RIMS1: variants seen among roughly 807,000 people sequenced by gnomAD.
RIMS1 encodes regulating synaptic membrane exocytosis protein 1.
In RIMS1, 83 loss-of-function variants were observed where a neutral mutation model predicts 214.1. The ratio of observed to expected loss-of-function variants is 0.39; its 90% CI spans 0.32 to 0.47. The LOEUF (loss-of-function observed/expected upper bound fraction) is 0.47, where lower values mean the gene tolerates loss of function less well. RIMS1 is among the 20% of genes least tolerant of loss of function. The probability of loss-of-function intolerance (pLI) is 0.99; values close to 1 mark genes in which losing one functional copy is unlikely to be tolerated. For synonymous variants in RIMS1, 793 were observed against 786.8 expected, an observed-to-expected ratio of 1.01 and a Z score of -0.13; for missense variants, 2,050 against 2,161.8, an observed-to-expected ratio of 0.95 and a Z score of 1.03.
chr6:71,945,336 C>T lies in RIMS1; in HGVS notation c.165-23647C>T, dbSNP rs1787462004. On this transcript the variant is annotated intron_variant, in intron 1 of 33. Transcript: ENST00000521978. ...GGACACAGCACTGGAGGGACATACACATGGATATGATCTAAAAGGCAGGGT... is the reference window on the plus strand; with the variant it reads ...GGACACAGCACTGGAGGGACATACATATGGATATGATCTAAAAGGCAGGGT... Among the ~76,000 whole-genome samples, 4 of 152,264 alleles carry T rather than the reference C, an allele frequency of 2.6e-5. No individual in the cohort carries two copies. In the Middle Eastern group the frequency reaches 0.01, roughly 388 times the overall value.
intron 6 of RIMS1, chr6:72,217,275 T>G (rs1275766221): frequency 6.7e-7 from 1 of 1,490,634 alleles, no homozygotes. Context: ...TATGGATAAA[T>G]GTAAAGTTAA....
chr6:72,133,961 C>G (rs1370015169), intron 4 of RIMS1, among the ~76,000 whole-genome samples: 1 of 152,048 alleles, frequency 6.6e-6, no homozygotes, highest in East Asian at 1.9e-4. Context: ...CTCTCAATGC[C>G]TCAGTTTTTT....
intron 2 of RIMS1, among the ~76,000 whole-genome samples, chr6:72,071,743 A>G (rs1830627184): frequency 6.6e-6 from 1 of 152,196 alleles, no homozygotes; most frequent in South Asian, 2.1e-4. Context: ...CTACACCTAA[A>G]TAATTGATTC....
intron 6 of RIMS1, among the ~76,000 whole-genome samples, chr6:72,193,947 T>C (rs2050462372): frequency 6.6e-6 from 1 of 152,066 alleles, no homozygotes; most frequent in African/African-American, 2.4e-5. Context: ...TTTTTTAGAG[T>C]AATTCAAGTT....
At position 72,090,699 on chromosome 6, in the gene RIMS1, C is replaced by A. The variant is rs373965511; in HGVS notation, c.246-6250C>A. On this transcript the variant is annotated intron_variant, in intron 2 of 33. Transcript: ENST00000521978. ...CACTGGTACATGCTGTCATGAACTGCTAATTTATATTTATGTATAACTTAC... is the reference window on the plus strand; with the variant it reads ...CACTGGTACATGCTGTCATGAACTGATAATTTATATTTATGTATAACTTAC... Among the ~76,000 whole-genome samples the A allele has an allele frequency of 3.9e-5, 6 of 152,202 alleles. No homozygotes were observed. In the East Asian group the frequency reaches 5.8e-4, roughly 15 times the overall value.
At chr6:72,002,633 A>G (rs1805678937) in intron 2 of RIMS1, among the ~76,000 whole-genome samples, 1 of 152,124 alleles carries the variant, frequency 6.6e-6, no homozygotes, top group Non-Finnish European at 1.5e-5. Flanking sequence ...CAAAGGCAAA[A>G]AGCTTGTGCA....
intron 2 of RIMS1, among the ~76,000 whole-genome samples, chr6:71,984,713 T>C (rs1277355278): frequency 6.6e-6 from 1 of 152,200 alleles, no homozygotes; most frequent in South Asian, 2.1e-4. Flanking sequence ...TAAGTTGAGA[T>C]TGTAAACCTT....
chr6:72,257,348 T>A (rs1307589409), intron 16 of RIMS1, among the ~76,000 whole-genome samples: 2 of 152,048 alleles, frequency 1.3e-5, no homozygotes, highest in East Asian at 3.9e-4. Flanking sequence ...AATATAAACC[T>A]TTTTACTTCA....
chr6:72,319,191 C>G (rs1315729645), intron 28 of RIMS1, among the ~76,000 whole-genome samples: 11 of 151,976 alleles, frequency 7.2e-5, no homozygotes, highest in Admixed American at 7.2e-4. Context: ...GGATGTTAAA[C>G]TGGAAGTAAT....
At chr6:72,053,807 T>G (rs1825374378) in intron 2 of RIMS1, among the ~76,000 whole-genome samples, 1 of 152,166 alleles carries the variant, frequency 6.6e-6, no homozygotes, top group Non-Finnish European at 1.5e-5. Flanking sequence ...ATGACATGAA[T>G]AAGTTTACAA....
chr6:72,128,566 C>T (rs74557249), intron 4 of RIMS1, among the ~76,000 whole-genome samples: 4,401 of 152,276 alleles, frequency 0.029, 114 homozygotes, highest in Non-Finnish European at 0.04. Flanking sequence ...AGGCTGCCAG[C>T]CTCCAGTTTC....
At chr6:71,951,607 C>T (rs1021557098) in intron 1 of RIMS1, among the ~76,000 whole-genome samples, 3 of 150,906 alleles carry the variant, frequency 2.0e-5, no homozygotes, top group Admixed American at 1.3e-4. Context: ...CCTCCTGCCT[C>T]AGCCTCCTAA....
At chr6:72,099,928 T>C in intron 3 of RIMS1, 47 bp from the exon 4 acceptor site, 5 of 1,562,750 alleles carry the variant, frequency 3.2e-6, no homozygotes, top group Non-Finnish European at 4.4e-6. Context: ...GTTTTTCTTT[T>C]CTTTGTCTTC....
chr6:72,262,459 A>G (rs1450232931), intron 19 of RIMS1: 2 of 985,284 alleles, frequency 2.0e-6, no homozygotes, highest in Non-Finnish European at 2.4e-6. Context: ...TAGGGAGTGG[A>G]AGGAAGCTGA....
chr6:72,181,781 C>G (rs538441653), intron 5 of RIMS1, among the ~76,000 whole-genome samples: 5 of 151,990 alleles, frequency 3.3e-5, no homozygotes, highest in African/African-American at 1.2e-4. Flanking sequence ...AATTCTTGAC[C>G]GTATTTTGTA....
At chr6:72,337,342 G>A (rs1481807193) in intron 29 of RIMS1, among the ~76,000 whole-genome samples, 1 of 151,462 alleles carries the variant, frequency 6.6e-6, no homozygotes, top group African/African-American at 2.4e-5. Context: ...GGCATTATTG[G>A]GAAGGTTCTA....
At chr6:71,924,630 C>CAAA (rs1250868988) in intron 1 of RIMS1, among the ~76,000 whole-genome samples, 2 of 76,228 alleles carry the variant, frequency 2.6e-5, no homozygotes, top group Admixed American at 1.4e-4. Context: ...CCCATCTCTG[C>CAAA]AAAAAAAAAA....
intron 2 of RIMS1, among the ~76,000 whole-genome samples, chr6:72,041,014 T>C (rs980210661): frequency 1.3e-5 from 2 of 151,976 alleles, no homozygotes; most frequent in Admixed American, 6.6e-5. Context: ...ACGATACAAA[T>C]TGACCTTTAA....
intron 6 of RIMS1, among the ~76,000 whole-genome samples, chr6:72,214,990 G>C (rs2055191139): frequency 6.6e-6 from 1 of 152,034 alleles, no homozygotes; most frequent in Non-Finnish European, 1.5e-5. Flanking sequence ...CCAAAGTGTT[G>C]GTATTATAGG....
Sources: allele counts gnomAD v4.1 joint callset (sites outside exome capture counted in the v4.1 genomes callset), GRCh38; gene constraint gnomAD v4.1.1; transcripts MANE v1.5; gene names NCBI Gene and HGNC (gene_info 2026-07-23, HGNC 2026-07-21).